Variants in ABCA1 observed in about 807,000 individuals in gnomAD.
The protein encoded by ABCA1 is phospholipid-transporting ATPase ABCA1.
ABCA1 carries 133 observed loss-of-function variants against 262.5 expected under a neutral mutation model. That is an observed-to-expected ratio of 0.51 (90% CI 0.44 to 0.59). ABCA1 has a LOEUF of 0.59. Ranked by LOEUF, ABCA1 falls within the 20% of genes least tolerant of loss-of-function variation. The pLI, the probability that ABCA1 is intolerant of heterozygous loss-of-function variation, is 0.00. For synonymous variants in ABCA1, 1,022 were observed against 1,043.5 expected (o/e 0.98, Z 0.40); for missense variants, 2,452 against 2,777.5 (o/e 0.88, Z 2.63).
chr9:104,834,094 T>TC (rs1393135408), intron 11 of ABCA1, among the ~76,000 whole-genome samples: 1 of 149,776 alleles, frequency 6.7e-6, no homozygotes, highest in Non-Finnish European at 1.5e-5. Flanking sequence ...TATAAGCTTT[T>TC]CCCCCCTTGC....
chr9:104,786,380 A>T lies in ABCA1; in HGVS notation c.6319T>A (p.Cys2107Ser). Reference sequence around the variant, plus strand: ...GCCATCCTAGTGCAAAGAGCTTCACATTCTTCCATACTGCGGTAAAACAGA... The same window carrying T: ...GCCATCCTAGTGCAAAGAGCTTCACTTTCTTCCATACTGCGGTAAAACAGA... The part of the protein sequence containing the change: ...VVLTSHSMEE[C>S]EALCTRMAIM... Residue 2107 changes from cysteine to serine, a missense_variant, in exon 48 of 50, where the codon TGT (cysteine) becomes AGT (serine). Physicochemically the swap from Cys to Ser is moderately radical, Grantham distance 112 (BLOSUM62 -1). Coordinates refer to ENST00000374736, the MANE Select transcript of ABCA1 (RefSeq NM_005502.4). 6.2e-7 allele frequency: 1 copy of T among 1,614,086 alleles called. No individual in the cohort carries two copies. The highest frequency in any genetic ancestry group is 8.5e-7 in the Non-Finnish European group (1 of 1,179,952).
At chr9:104,788,705 C>T in intron 44 of ABCA1, 138 bp from the exon 45 acceptor site, 2 of 1,127,482 alleles carry the variant, frequency 1.8e-6, no homozygotes, top group Middle Eastern at 2.8e-4. Flanking sequence ...GAAAGCACAG[C>T]CTTTCTGCCC....
At position 104,861,755 on chromosome 9, in the gene ABCA1, C is replaced by A. The variant is rs369793332; in HGVS notation, c.467G>T (p.Gly156Val). 23 of 1,613,278 alleles carry A rather than the reference C, an allele frequency of 1.4e-5. No individual in the cohort carries two copies. Among genetic ancestry groups the A allele is most frequent in the Non-Finnish European group, 1.9e-5 (22 of 1,179,730 alleles). ...DFLVDNETFS[G>V]FLYHNLSLPK... is the part of the protein sequence containing the mutation. The stretch of plus-strand genomic sequence containing the variant: ...GAGAGAGAGGTTGTGATACAGGAAC[C>A]CAGAGAAGGTTTCATTGTCCACCAG... Residue 156 changes from glycine to valine, a missense_variant, in exon 6 of 50, where the codon GGG becomes GTG. Physicochemically the swap from Gly to Val is moderately radical, Grantham distance 109. Transcript: ENST00000374736.
intron 2 of ABCA1, 82 bp downstream of exon 2, chr9:104,903,528 TTCCC>T: frequency 4.2e-5 from 57 of 1,357,194 alleles, no homozygotes; most frequent in Non-Finnish European, 5.7e-5. Context: ...CACAGCTTCC[TTCCC>T]TCCCTCCCTC....
chr9:104,876,851 C>T (rs1186112032), intron 5 of ABCA1, among the ~76,000 whole-genome samples: 1 of 152,200 alleles, frequency 6.6e-6, no homozygotes, highest in Non-Finnish European at 1.5e-5. Context: ...GGAAGGGGAG[C>T]AGTGCTTCTT....
At chr9:104,793,666 A>G (rs1829622067) in intron 40 of ABCA1, among the ~76,000 whole-genome samples, 1 of 152,230 alleles carries the variant, frequency 6.6e-6, no homozygotes, top group Non-Finnish European at 1.5e-5. Context: ...TTTAGTAATA[A>G]TAAATATCAG....
intron 20 of ABCA1, 28 bp from the exon 21 acceptor site, chr9:104,820,097 G>A: frequency 6.2e-7 from 1 of 1,614,008 alleles, no homozygotes. Context: ...GGTCAGCTCT[G>A]GGCCCTACTG....
chr9:104,851,990 G>A (rs991439526), intron 7 of ABCA1, among the ~76,000 whole-genome samples: 2 of 152,122 alleles, frequency 1.3e-5, no homozygotes, highest in African/African-American at 2.4e-5. Flanking sequence ...AAATTTTTCA[G>A]GAATTCTATG....
Position 104,782,606 on chromosome 9 carries a change from T to G in ABCA1, c.*1709A>C, listed in dbSNP as rs1828609015. On this transcript the variant is annotated 3_prime_UTR_variant, in exon 50 of 50. Coordinates refer to ENST00000374736, the MANE Select transcript of ABCA1 (RefSeq NM_005502.4). The stretch of plus-strand genomic sequence containing the variant: ...TTAGAAAACTCTGAAAAATGCTCCA[T>G]ATGGAAGTATTTGTTGTTTTTATAT... The G allele has an allele frequency of 6.6e-6, 1 of 152,154 alleles. No individual in the cohort carries two copies. Among genetic ancestry groups the G allele is most frequent in the South Asian group, 2.1e-4 (1 of 4,834 alleles). The allele number at this position is 152,154 out of a possible 1,614,324, so 9.4% of individuals were successfully genotyped here. A position where few individuals can be genotyped will look rare whatever the true frequency, so the allele number is the denominator to read the frequency against.
At chr9:104,819,899 G>A in intron 21 of ABCA1, 28 bp downstream of exon 21, 1 of 1,610,568 alleles carries the variant, frequency 6.2e-7, no homozygotes, top group East Asian at 2.2e-5. Context: ...GAGGGGAGAG[G>A]GATAGGGAAG....
chr9:104,871,446 T>TC (rs1223805252), intron 5 of ABCA1, among the ~76,000 whole-genome samples: 1 of 151,868 alleles, frequency 6.6e-6, no homozygotes, highest in Non-Finnish European at 1.5e-5. Flanking sequence ...TGGTAACAAT[T>TC]CCCCCAAAGA....
chr9:104,819,544 C>G (rs1434224656), intron 22 of ABCA1, 42 bp downstream of exon 22: 7 of 1,613,356 alleles, frequency 4.3e-6, no homozygotes, highest in African/African-American at 1.3e-5. Flanking sequence ...GCCCCCCGCT[C>G]TCTCTCAGTC....
intron 7 of ABCA1, among the ~76,000 whole-genome samples, chr9:104,856,408 G>A (rs1346958667): frequency 6.6e-6 from 1 of 152,114 alleles, no homozygotes; most frequent in Non-Finnish European, 1.5e-5. Flanking sequence ...CCTGGTAGTA[G>A]CCACCTTAAT....
chr9:104,882,062 A>C (rs1373883332), intron 5 of ABCA1, among the ~76,000 whole-genome samples: 1 of 147,672 alleles, frequency 6.8e-6, no homozygotes, highest in Non-Finnish European at 1.5e-5. Context: ...AAAAAACTCA[A>C]ATCTGAGTCT....
At position 104,819,607 on chromosome 9, in the gene ABCA1, G is replaced by C; in HGVS notation, c.3220C>G (p.Leu1074Val). The C allele has an allele frequency of 6.2e-7, 1 of 1,614,182 alleles. No homozygotes were observed. The highest frequency in any genetic ancestry group is 8.5e-7 in the Non-Finnish European group (1 of 1,180,036). ...DPYSRRGIWE[L>V]LLKYRQGRTI... ...GCACCTTGTCGGTATTTCAGCAGCA[G>C]CTCCCATATTCCCCTGCGGGAGTAA... The change falls in exon 22 of 50, where the codon CTG becomes GTG. Residue 1074 changes from leucine to valine, a missense_variant. Physicochemically the swap from Leu to Val is conservative, Grantham distance 32. Around this residue, in one of 4 missense-constraint regions of ABCA1, gnomAD observed 665 missense variants for 727.3 expected, o/e 0.91. Coordinates refer to ENST00000374736, the MANE Select transcript of ABCA1 (RefSeq NM_005502.4).
chr9:104,804,900 A>C (rs904742182), intron 31 of ABCA1, among the ~76,000 whole-genome samples, 180 bp from the exon 32 acceptor site: 17 of 152,192 alleles, frequency 1.1e-4, no homozygotes, highest in East Asian at 7.7e-4. Flanking sequence ...GGCACTGGTA[A>C]TTCACTTACA....
chr9:104,888,622 A>C (rs1372506808), intron 3 of ABCA1, among the ~76,000 whole-genome samples: 1 of 152,218 alleles, frequency 6.6e-6, no homozygotes, highest in East Asian at 1.9e-4. Flanking sequence ...ATCAAAATAC[A>C]TGATTGACAG....
chr9:104,865,393 G>A (rs994762939), intron 5 of ABCA1, among the ~76,000 whole-genome samples: 2 of 151,974 alleles, frequency 1.3e-5, no homozygotes, highest in Non-Finnish European at 2.9e-5. Context: ...GTGGGTGCCT[G>A]TAATCCCAGC....
intron 1 of ABCA1, among the ~76,000 whole-genome samples, chr9:104,911,501 T>C (rs1588577408): frequency 6.6e-6 from 1 of 151,882 alleles, no homozygotes; most frequent in Non-Finnish European, 1.5e-5. Context: ...GCTGTGGGGG[T>C]GGGAGGGGAT....
Sources: gnomAD v4.1 joint callset for allele counts (sites outside exome capture counted in the v4.1 genomes callset) on GRCh38, gnomAD v4.1.1 for gene constraint, gnomAD v4.1.1 regional missense constraint, MANE v1.5 for transcripts, NCBI Gene and HGNC (gene_info 2026-07-23, HGNC 2026-07-21) for gene names.